LRRC9: variants seen among roughly 807,000 people sequenced by gnomAD.
LRRC9 encodes the protein leucine-rich repeat-containing protein 9.
In LRRC9, 122 loss-of-function variants were observed where a neutral mutation model predicts 63.2. The observed-to-expected ratio is 1.93, with a 90% confidence interval of 1.67 to 2.24. LRRC9 has a LOEUF of 2.24. Ranked by LOEUF, LRRC9 falls within the 30% of genes most tolerant of loss-of-function variation. The pLI, the probability that LRRC9 is intolerant of heterozygous loss-of-function variation, is 0.00. For synonymous variants in LRRC9, 366 were observed against 213.1 expected, an observed-to-expected ratio of 1.72 and a Z score of -6.25; for missense variants, 1,071 against 627.7, an observed-to-expected ratio of 1.71 and a Z score of -7.55.
intron 29 of LRRC9, among the ~76,000 whole-genome samples, chr14:60,036,281 C>T (rs1044449390): frequency 4.6e-5 from 7 of 152,202 alleles, no homozygotes; most frequent in African/African-American, 7.2e-5. Context: ...TCCATAGCAA[C>T]ATTTAATCCT....
chr14:60,058,046 A>G lies in LRRC9; in HGVS notation c.4276+24A>G, dbSNP rs1207408651. 1.8e-6 allele frequency: 1 copy of G among 542,628 alleles called. No individual in the cohort carries two copies. Among genetic ancestry groups the G allele is most frequent in the Admixed American group, 2.5e-5 (1 of 39,968 alleles). 33.6% of individuals were successfully genotyped at this position (542,628 alleles called of 1,614,324 possible). A position where few individuals can be genotyped will look rare whatever the true frequency, so the allele number is the denominator to read the frequency against. On this transcript the variant is annotated intron_variant, in intron 31 of 31. Transcript: ENST00000445360. The surrounding 1 kb of genome is among the most constrained non-coding windows in gnomAD (Gnocchi z 4.4). ...AGGTATTTTGACAATTTCAGATAGAATGTAAAAGAATCACTTAATTTGAAA... is the reference window on the plus strand; with the variant it reads ...AGGTATTTTGACAATTTCAGATAGAGTGTAAAAGAATCACTTAATTTGAAA...
At chr14:59,955,274 G>C (rs985814046) in intron 8 of LRRC9, among the ~76,000 whole-genome samples, 1 of 152,128 alleles carries the variant, frequency 6.6e-6, no homozygotes, top group African/African-American at 2.4e-5. Flanking sequence ...ATCAGGTCCT[G>C]GACTTCTTTT....
At chr14:59,924,265 C>T (rs1324200042) in intron 1 of LRRC9, among the ~76,000 whole-genome samples, 1 of 152,122 alleles carries the variant, frequency 6.6e-6, no homozygotes, top group Non-Finnish European at 1.5e-5. Context: ...AGAGGTGCTG[C>T]AAAACACTTT....
chr14:59,974,124 C>T (rs562133442), intron 12 of LRRC9, among the ~76,000 whole-genome samples: 2 of 152,158 alleles, frequency 1.3e-5, no homozygotes, highest in South Asian at 4.1e-4. Flanking sequence ...ACTAGGATTT[C>T]CATGGGTTAA....
Position 60,058,708 on chromosome 14 carries a change from G to C in LRRC9, c.4276+686G>C, listed in dbSNP as rs1894456831. Among the ~76,000 whole-genome samples the C allele has an allele frequency of 6.6e-6, 1 of 152,004 alleles. No homozygotes were observed. The highest frequency in any genetic ancestry group is 2.4e-5 in the African/African-American group (1 of 41,364). ...AGGGCTCACCTCTTCCAGTCCTTCT[G>C]ACTTCCCATTTGTCCTCAGACCACT... On this transcript the variant is annotated intron_variant, in intron 31 of 31. Transcript: ENST00000445360. This position sits in a 1 kb window ranked among gnomAD's most constrained non-coding sequence, Gnocchi z 4.4.
intron 12 of LRRC9, among the ~76,000 whole-genome samples, chr14:59,971,314 T>C (rs1885471166): frequency 6.6e-6 from 1 of 152,166 alleles, no homozygotes; most frequent in Non-Finnish European, 1.5e-5. Flanking sequence ...GCCAGTACCA[T>C]GCCGTTTTCT....
At chr14:60,018,757 T>A (rs1890893070) in intron 25 of LRRC9, among the ~76,000 whole-genome samples, 1 of 151,960 alleles carries the variant, frequency 6.6e-6, no homozygotes, top group South Asian at 2.1e-4. Flanking sequence ...TTCAAGGTTC[T>A]TTAAACGGCC....
At position 60,027,363 on chromosome 14, in the gene LRRC9, A is replaced by G. The variant is rs746137513; in HGVS notation, c.3704-521A>G. 6.6e-6 allele frequency among the ~76,000 whole-genome samples: 1 copy of G among 152,066 alleles called. No individual in the cohort carries two copies. Among genetic ancestry groups the G allele is most frequent in the Non-Finnish European group, 1.5e-5 (1 of 67,968 alleles). On this transcript the variant is annotated intron_variant, in intron 27 of 31. Transcript: ENST00000445360. The surrounding 1 kb of genome is among the most constrained non-coding windows in gnomAD (Gnocchi z 4.0). ...GAGAGAAATCATAGGTTTATAAATA[A>G]GGTTTAGAGTTTTGAAGAATTAAAT... is the stretch of plus-strand genomic sequence containing the variant.
chr14:59,965,788 C>T (rs918603595), intron 10 of LRRC9, among the ~76,000 whole-genome samples: 2 of 142,796 alleles, frequency 1.4e-5, no homozygotes, highest in African/African-American at 2.6e-5. Flanking sequence ...GAAGCTGAGG[C>T]AGGAGAATGG....
intron 29 of LRRC9, among the ~76,000 whole-genome samples, chr14:60,041,828 G>T (rs551539855): frequency 4.1e-4 from 62 of 152,354 alleles, no homozygotes; most frequent in Admixed American, 2.2e-3. Context: ...GAGGCACTCA[G>T]ATTTTTAGAA....
chr14:59,952,221 G>A (rs1409010227), intron 8 of LRRC9, among the ~76,000 whole-genome samples: 1 of 151,792 alleles, frequency 6.6e-6, no homozygotes, highest in Non-Finnish European at 1.5e-5. Flanking sequence ...TTTTTAAGCC[G>A]GTCTGAAAAG....
intron 15 of LRRC9, among the ~76,000 whole-genome samples, chr14:59,980,431 C>T (rs1273744874): frequency 6.6e-6 from 1 of 152,172 alleles, no homozygotes; most frequent in Non-Finnish European, 1.5e-5. Flanking sequence ...AAATCCCCTT[C>T]CTCTGTCCCC....
intron 29 of LRRC9, among the ~76,000 whole-genome samples, chr14:60,047,581 C>T (rs1893540654): frequency 6.6e-6 from 1 of 152,148 alleles, no homozygotes; most frequent in Non-Finnish European, 1.5e-5. Flanking sequence ...GTAAATGTTT[C>T]AATTCAACAA....
rs935828044 is a variant in LRRC9 at position 60,027,294 on chromosome 14, A to G, written c.3704-590A>G. ...ATTTTGTAAATTGGAGAGTCTTCAT[A>G]TAAGTTATCATTAATATTTATATAG... On this transcript the variant is annotated intron_variant, in intron 27 of 31. Coordinates refer to ENST00000445360, the Ensembl canonical transcript of LRRC9. This position sits in a 1 kb window ranked among gnomAD's most constrained non-coding sequence, Gnocchi z 4.0. Among the ~76,000 whole-genome samples the G allele has an allele frequency of 5.3e-5, 8 of 152,044 alleles. No individual in the cohort carries two copies. Among genetic ancestry groups the G allele is most frequent in the Non-Finnish European group, 1.0e-4 (7 of 67,962 alleles).
intron 17 of LRRC9, among the ~76,000 whole-genome samples, chr14:59,994,967 C>T (rs1888593240): frequency 6.6e-6 from 1 of 151,298 alleles, no homozygotes; most frequent in African/African-American, 2.4e-5. Context: ...ATGTAACAAA[C>T]CTGCACGTTG....
At chr14:60,006,769 G>A (rs1204811771) in intron 22 of LRRC9, 152 bp downstream of exon 22, 5 of 505,572 alleles carry the variant, frequency 9.9e-6, no homozygotes, top group South Asian at 3.0e-5. Context: ...TGCATTCAAT[G>A]TTGTATACAT....
chr14:60,037,395 G>A (rs1014227162), intron 29 of LRRC9, among the ~76,000 whole-genome samples: 11 of 152,160 alleles, frequency 7.2e-5, no homozygotes, highest in East Asian at 1.9e-4. Flanking sequence ...GGGTAAAAGC[G>A]TTCCTATTTC....
At position 60,052,802 on chromosome 14, in the gene LRRC9, G is replaced by A. The variant is rs115794220; in HGVS notation, c.3991-263G>A. On this transcript the variant is annotated intron_variant, in intron 29 of 31. Coordinates refer to ENST00000445360, the Ensembl canonical transcript of LRRC9. Reference sequence around the variant, plus strand: ...TTCCATAATATAATCCTATTCATGAGTTTGGATTGCCTGTAGTTAGTGAAC... The same window carrying A: ...TTCCATAATATAATCCTATTCATGAATTTGGATTGCCTGTAGTTAGTGAAC... Among the ~76,000 whole-genome samples the A allele has an allele frequency of 1.6e-3, 237 of 152,310 alleles. 1 individual carries two copies. Among genetic ancestry groups the A allele is most frequent in the African/African-American group, 5.4e-3 (225 of 41,572 alleles).
chr14:60,005,659 TCCAAAC>T (rs1438164642), intron 21 of LRRC9, among the ~76,000 whole-genome samples: 1 of 152,128 alleles, frequency 6.6e-6, no homozygotes, highest in African/African-American at 2.4e-5. Context: ...TTTGATACTT[TCCAAAC>T]ATTATTCCAT....
Sources: allele counts gnomAD v4.1 joint callset (sites outside exome capture counted in the v4.1 genomes callset), GRCh38; gene constraint gnomAD v4.1.1; non-coding constraint Gnocchi (gnomAD v3.1); transcripts MANE v1.5; gene names NCBI Gene and HGNC (gene_info 2026-07-23, HGNC 2026-07-21).